Variants in KIF1B observed in about 807,000 individuals in gnomAD.
KIF1B encodes the protein kinesin-like protein KIF1B.
A neutral mutation model predicts 241.9 loss-of-function variants in KIF1B; 76 were observed. The ratio of observed to expected loss-of-function variants is 0.31; its 90% CI spans 0.26 to 0.38. KIF1B has a LOEUF of 0.38. Ranked by LOEUF, KIF1B falls within the 10% of genes least tolerant of loss-of-function variation. KIF1B has a pLI of 1.00. For missense variants in KIF1B, 1,622 were observed against 2,271.4 expected (o/e 0.71, Z 5.81); for synonymous variants, 750 against 796.7 (o/e 0.94, Z 0.99).
chr1:10,224,633 A>G (rs1037599932), intron 1 of KIF1B, among the ~76,000 whole-genome samples: 3 of 152,142 alleles, frequency 2.0e-5, no homozygotes, highest in African/African-American at 7.2e-5. Context: ...TATGTTGCCC[A>G]GGCTGGTCTT....
chr1:10,228,667 T>C (rs1571102227), intron 1 of KIF1B, among the ~76,000 whole-genome samples: 1 of 152,212 alleles, frequency 6.6e-6, no homozygotes, highest in Non-Finnish European at 1.5e-5. Context: ...CGTGTCATTC[T>C]GTTTCATACA....
intron 25 of KIF1B, among the ~76,000 whole-genome samples, chr1:10,324,264 A>T (rs1569826581): frequency 2.0e-5 from 3 of 152,152 alleles, no homozygotes; most frequent in Admixed American, 6.5e-5. Context: ...ACACTCTGAC[A>T]TTTGTAGATA....
In KIF1B at chr1:10,377,016, A is replaced by G. The variant is rs1638909249; in HGVS notation, c.*429A>G. The stretch of plus-strand genomic sequence containing the variant: ...TGTCACCAGGCACCTTTGTTTTTCA[A>G]GACAACATACTTTTTTTTTCTTTTC... On this transcript the variant is annotated 3_prime_UTR_variant, in exon 49 of 49. Transcript: ENST00000676179. 1 of 259,334 alleles carries G rather than the reference A, an allele frequency of 3.9e-6. No individual in the cohort carries two copies. Among genetic ancestry groups the G allele is most frequent in the African/African-American group, 2.2e-5 (1 of 46,226 alleles). The allele number at this position is 259,334 out of a possible 1,614,324, so 16.1% of individuals were successfully genotyped here.
chr1:10,279,820 C>T (rs1339403936), intron 14 of KIF1B, among the ~76,000 whole-genome samples: 1 of 149,416 alleles, frequency 6.7e-6, no homozygotes, highest in Non-Finnish European at 1.5e-5. Context: ...GCTCAGCCTC[C>T]TGAGTATCTG....
chr1:10,223,547 T>G (rs968256447), intron 1 of KIF1B, among the ~76,000 whole-genome samples: 5 of 72,408 alleles, frequency 6.9e-5, no homozygotes, highest in Non-Finnish European at 1.6e-4. Flanking sequence ...TTTTGTTTTG[T>G]TTTTTTTTTT....
chr1:10,354,070 TA>T (rs1388219864), intron 38 of KIF1B, among the ~76,000 whole-genome samples: 3 of 152,132 alleles, frequency 2.0e-5, no homozygotes, highest in African/African-American at 7.2e-5. Context: ...TCCATTAGAG[TA>T]ACTTTAAGAA....
At chr1:10,348,570 C>A in intron 36 of KIF1B, 79 bp from the exon 37 acceptor site, 1 of 1,029,710 alleles carries the variant, frequency 9.7e-7, no homozygotes, top group Non-Finnish European at 1.5e-6. Context: ...CCATGCCATG[C>A]CATACAGGCC....
chr1:10,282,744 C>T (rs767933482), intron 15 of KIF1B, among the ~76,000 whole-genome samples: 2 of 151,462 alleles, frequency 1.3e-5, no homozygotes, highest in African/African-American at 2.5e-5. Context: ...GGGAGAAGTG[C>T]ATGGGCAGTT....
rs1569853649 is a variant in KIF1B at position 10,337,276 on chromosome 1, A to T, written c.3259+73A>T. 1 of 1,612,240 alleles carries T rather than the reference A, an allele frequency of 6.2e-7. No individual in the cohort carries two copies. Among genetic ancestry groups the T allele is most frequent in the East Asian group, 2.2e-5 (1 of 44,870 alleles). On this transcript the variant is annotated intron_variant, in intron 30 of 48. Coordinates refer to ENST00000676179, the MANE Select transcript of KIF1B (RefSeq NM_001365951.3). The surrounding 1 kb of genome is among the most constrained non-coding windows in gnomAD (Gnocchi z 4.0). Reference sequence around the variant, plus strand: ...AAAATATTGACCATTATCAAGGGACATAGTGGCCTTCATCAACTAGGAATG... The same window carrying T: ...AAAATATTGACCATTATCAAGGGACTTAGTGGCCTTCATCAACTAGGAATG...
At chr1:10,316,912 T>G (rs114539603) in intron 22 of KIF1B, among the ~76,000 whole-genome samples, 2,906 of 151,482 alleles carry the variant, frequency 0.019, 49 homozygotes, top group Non-Finnish European at 0.028. Flanking sequence ...CTTTTTTTTG[T>G]TTTTTTGTTT....
At chr1:10,324,716 T>C (rs1651660624) in intron 25 of KIF1B, 42 bp from the exon 26 acceptor site, 1 of 1,607,900 alleles carries the variant, frequency 6.2e-7, no homozygotes, top group Non-Finnish European at 8.5e-7. Flanking sequence ...TTTAATGCAA[T>C]CTCATTATAT....
At chr1:10,214,746 C>A (rs529730822) in intron 1 of KIF1B, among the ~76,000 whole-genome samples, 69 of 151,836 alleles carry the variant, frequency 4.5e-4, no homozygotes, top group African/African-American at 1.6e-3. Flanking sequence ...CCATGCCCAG[C>A]TAATTTTTGT....
chr1:10,304,871 ACTC>A, intron 22 of KIF1B: 1 of 1,390,822 alleles, frequency 7.2e-7, no homozygotes, highest in Non-Finnish European at 9.3e-7. Context: ...AGCATCAAGA[ACTC>A]CTTTTTCTGA....
In KIF1B at chr1:10,303,679, G is replaced by C. The variant is rs1346891690; in HGVS notation, c.2115+6433G>C. The C allele has an allele frequency of 6.2e-7, 1 of 1,614,020 alleles. No individual in the cohort carries two copies. Among genetic ancestry groups the C allele is most frequent in the Non-Finnish European group, 8.5e-7 (1 of 1,180,040 alleles). On this transcript the variant is annotated intron_variant, in intron 22 of 48. Coordinates refer to ENST00000676179, the MANE Select transcript of KIF1B (RefSeq NM_001365951.3). The surrounding 1 kb of genome is among the most constrained non-coding windows in gnomAD (Gnocchi z 5.2). ...AGACAAGCTGGAAGATATTTTGCAAGAAGTCAAAAAGCAAAATAACATGAA... is the reference window on the plus strand; with the variant it reads ...AGACAAGCTGGAAGATATTTTGCAACAAGTCAAAAAGCAAAATAACATGAA...
chr1:10,348,878 C>A, intron 37 of KIF1B, 145 bp downstream of exon 37: 1 of 701,456 alleles, frequency 1.4e-6, no homozygotes, highest in Non-Finnish European at 2.6e-6. Context: ...TGGGCTCAAG[C>A]AATCCTCCTG....
intron 22 of KIF1B, among the ~76,000 whole-genome samples, chr1:10,316,935 C>A (rs1651329217): frequency 6.6e-6 from 1 of 151,142 alleles, no homozygotes; most frequent in African/African-American, 2.5e-5. Context: ...CAGATGGGAT[C>A]TTGCTGTGTT....
chr1:10,272,033 C>T (rs561742124), intron 8 of KIF1B, among the ~76,000 whole-genome samples: 5 of 152,066 alleles, frequency 3.3e-5, no homozygotes, highest in Admixed American at 6.6e-5. Context: ...ACAAATATCT[C>T]GAAGATACTT....
intron 2 of KIF1B, among the ~76,000 whole-genome samples, chr1:10,246,639 G>A (rs988244258): frequency 6.6e-6 from 1 of 152,192 alleles, no homozygotes; most frequent in Non-Finnish European, 1.5e-5. Context: ...AGCTACTCAG[G>A]AAGCCGAGGC....
At chr1:10,362,914 A>C (rs1317890992) in intron 40 of KIF1B, among the ~76,000 whole-genome samples, 1 of 152,112 alleles carries the variant, frequency 6.6e-6, no homozygotes, top group Non-Finnish European at 1.5e-5. Flanking sequence ...CTACAAAAAA[A>C]CTTAAAAATT....
Sources: gnomAD v4.1 joint callset for allele counts (sites outside exome capture counted in the v4.1 genomes callset) on GRCh38, gnomAD v4.1.1 for gene constraint, Gnocchi (gnomAD v3.1) non-coding constraint, MANE v1.5 for transcripts, NCBI Gene and HGNC (gene_info 2026-07-23, HGNC 2026-07-21) for gene names.